VPS13D: variants seen among roughly 807,000 people sequenced by gnomAD.
The protein encoded by VPS13D is intermembrane lipid transfer protein VPS13D.
A neutral mutation model predicts 461.9 loss-of-function variants in VPS13D; 187 were observed. That is an observed-to-expected ratio of 0.40 (90% CI 0.36 to 0.46). The LOEUF (loss-of-function observed/expected upper bound fraction) is 0.46, where lower values mean the gene tolerates loss of function less well. VPS13D is among the 20% of genes least tolerant of loss of function. The pLI is 0.60. For synonymous variants in VPS13D, 1,951 were observed against 1,986.3 expected (o/e 0.98, Z 0.47); for missense variants, 4,711 against 5,364.9 (o/e 0.88, Z 3.81).
intron 22 of VPS13D, among the ~76,000 whole-genome samples, chr1:12,290,449 G>A (rs961877605): frequency 1.3e-5 from 2 of 152,008 alleles, no homozygotes; most frequent in Non-Finnish European, 2.9e-5. Context: ...GTTGCCGGGC[G>A]CGGTGGCTCA....
intron 16 of VPS13D, 82 bp downstream of exon 16, chr1:12,268,958 A>G: frequency 6.7e-7 from 1 of 1,490,632 alleles, no homozygotes; most frequent in Non-Finnish European, 9.0e-7. Context: ...GACAAGGGTT[A>G]TTCAGATGCT....
In VPS13D at chr1:12,357,353, G is replaced by A. The variant is rs184963890; in HGVS notation, c.9998+829G>A. ...TTGATGAGAGTTCTGGATATTGTAG[G>A]GGATGCAGCCAGCCTCTTGGCATGT... On this transcript the variant is annotated intron_variant, in intron 49 of 69. Transcript: ENST00000620676. 8.5e-5 allele frequency among the ~76,000 whole-genome samples: 13 copies of A among 152,268 alleles called. 1 individual carries two copies. Among genetic ancestry groups the A allele is most frequent in the African/African-American group, 3.1e-4 (13 of 41,554 alleles).
rs746020116 is a variant in VPS13D, at chr1:12,341,783, A to G, written c.8630A>G (p.Glu2877Gly). The change falls in exon 41 of 70, where the codon GAG becomes GGG. Residue 2877 changes from glutamate to glycine, a missense_variant. This residue lies in a region of VPS13D where 4,411 missense variants were observed against 4,937.8 expected (regional missense o/e 0.89). Transcript: ENST00000620676. ...NLEHQIYARA[E>G]VKTPKRRQPF... ...AGCCTTCTTCTGTTTGTCGTAGCAG[A>G]GGTGAAAACCCCCAAGCGCCGGCAG... 9 of 1,613,902 alleles carry G rather than the reference A, an allele frequency of 5.6e-6. 1 individual carries two copies. In the South Asian group the frequency reaches 8.8e-5, roughly 16 times the overall value.
chr1:12,380,102 T>C (rs1157405554), intron 57 of VPS13D, among the ~76,000 whole-genome samples: 1 of 152,214 alleles, frequency 6.6e-6, no homozygotes, highest in Non-Finnish European at 1.5e-5. Context: ...GGAAAAGTTC[T>C]TGGAGATGGT....
intron 23 of VPS13D, among the ~76,000 whole-genome samples, chr1:12,291,969 T>G (rs1472475937): frequency 2.0e-5 from 3 of 152,104 alleles, no homozygotes; most frequent in African/African-American, 7.2e-5. Context: ...AAAGAATTAT[T>G]TTCTCAGGGC....
chr1:12,445,683 T>C (rs1410896099), intron 65 of VPS13D, among the ~76,000 whole-genome samples: 1 of 152,224 alleles, frequency 6.6e-6, no homozygotes, highest in Non-Finnish European at 1.5e-5. Context: ...ATTCCTATTT[T>C]AGCCCATCTG....
intron 60 of VPS13D, among the ~76,000 whole-genome samples, 172 bp from the exon 61 acceptor site, chr1:12,400,009 C>G (rs1644553068): frequency 6.6e-6 from 1 of 152,082 alleles, no homozygotes; most frequent in South Asian, 2.1e-4. Flanking sequence ...GTTATTATGA[C>G]TGCTTACTTT....
intron 33 of VPS13D, 92 bp from the exon 34 acceptor site, chr1:12,322,444 T>C (rs1643065591): frequency 3.1e-6 from 4 of 1,291,580 alleles, no homozygotes; most frequent in East Asian, 4.8e-5. Context: ...GTTGGACTTT[T>C]AGAAGTTGAA....
At position 12,338,288 on chromosome 1, in the gene VPS13D, A is replaced by G; in HGVS notation, c.8609A>G (p.His2870Arg). Residue 2870 changes from histidine (H) to arginine (R), a missense_variant, in exon 40 of 70, where the codon CAC becomes CGC. Transcript: ENST00000620676. The stretch of plus-strand genomic sequence containing the variant: ...ACAGCCAGTCTGACTAACCTAGAGC[A>G]CCAGATCTATGCTAGAGGTACAGTA... ...RSTASLTNLEHQIYARAEVKT... is the reference protein window; with the variant it reads ...RSTASLTNLERQIYARAEVKT... 6.2e-7 allele frequency: 1 copy of G among 1,613,732 alleles called. No homozygotes were observed. The highest frequency in any genetic ancestry group is 8.5e-7 in the Non-Finnish European group (1 of 1,179,736).
chr1:12,437,137 C>A (rs1391320672), intron 65 of VPS13D, among the ~76,000 whole-genome samples: 2 of 152,146 alleles, frequency 1.3e-5, no homozygotes, highest in Non-Finnish European at 2.9e-5. Context: ...CAAACCAAGT[C>A]ATGGCTTGTT....
At chr1:12,508,863 A>T in intron 69 of VPS13D, 30 bp from the exon 70 acceptor site, 1 of 1,606,990 alleles carries the variant, frequency 6.2e-7, no homozygotes, top group Non-Finnish European at 8.5e-7. Context: ...CATCCTGGGG[A>T]CAGGTGACCC....
intron 7 of VPS13D, among the ~76,000 whole-genome samples, chr1:12,255,688 C>T (rs1039309729): frequency 2.6e-5 from 4 of 151,408 alleles, no homozygotes; most frequent in Non-Finnish European, 4.4e-5. Context: ...GTCAGGAGAT[C>T]GAGACCATCC....
chr1:12,413,653 G>A (rs763813667), intron 63 of VPS13D, among the ~76,000 whole-genome samples: 3 of 152,078 alleles, frequency 2.0e-5, no homozygotes, highest in Admixed American at 1.3e-4. Flanking sequence ...TAAACTTTTT[G>A]TAGAGACAAG....
Position 12,311,879 on chromosome 1 carries a change from G to A in VPS13D, c.6889G>A (p.Glu2297Lys), listed in dbSNP as rs768418551. ...CATTGATATGGTGAATGTAAGTCTG[G>A]AGCTTAAAGATCCAAAAAGAAAAGA... ...FLIDMVNVSL[E>K]LKDPKRKEGA... Residue 2297 changes from glutamate (E) to lysine (K), a missense_variant, in exon 29 of 70, where the codon GAG (glutamate) becomes AAG (lysine). By Grantham distance (56) the Glu-to-Lys change is moderately conservative (BLOSUM62 1). Coordinates refer to ENST00000620676, the MANE Select transcript of VPS13D (RefSeq NM_015378.4). The A allele has an allele frequency of 6.2e-7, 1 of 1,614,146 alleles. No individual in the cohort carries two copies. Among genetic ancestry groups the A allele is most frequent in the Non-Finnish European group, 8.5e-7 (1 of 1,180,008 alleles).
chr1:12,460,092 A>G, intron 66 of VPS13D, 109 bp from the exon 67 acceptor site: 1 of 1,022,016 alleles, frequency 9.8e-7, no homozygotes. Context: ...TCTGGCACAG[A>G]GATTAATAGA....
chr1:12,441,581 G>A (rs1316888823), intron 65 of VPS13D, among the ~76,000 whole-genome samples: 2 of 152,214 alleles, frequency 1.3e-5, no homozygotes, highest in Non-Finnish European at 2.9e-5. Context: ...GGACCAGGTC[G>A]AAGTTGAGAA....
intron 6 of VPS13D, among the ~76,000 whole-genome samples, chr1:12,251,689 C>T (rs954190614): frequency 6.6e-6 from 1 of 152,178 alleles, no homozygotes; most frequent in African/African-American, 2.4e-5. Flanking sequence ...GAAAGCCCTA[C>T]TTTACACTGT....
At chr1:12,460,117 T>C in intron 66 of VPS13D, 84 bp from the exon 67 acceptor site, 1 of 1,278,488 alleles carries the variant, frequency 7.8e-7, no homozygotes, top group South Asian at 1.6e-5. Context: ...CCTTAAGTTA[T>C]CATTCCATAA....
chr1:12,379,988 C>T (rs1277780436), intron 57 of VPS13D, among the ~76,000 whole-genome samples: 1 of 152,132 alleles, frequency 6.6e-6, no homozygotes, highest in East Asian at 1.9e-4. Context: ...CCAGGATGGT[C>T]TCGATCTCCT....
Sources: allele counts gnomAD v4.1 joint callset (sites outside exome capture counted in the v4.1 genomes callset), GRCh38; gene constraint gnomAD v4.1.1; regional missense constraint gnomAD v4.1.1; transcripts MANE v1.5; gene names NCBI Gene and HGNC (gene_info 2026-07-23, HGNC 2026-07-21).